DLGAP1: variants seen among roughly 807,000 people sequenced by gnomAD.
DLGAP1 encodes the protein disks large-associated protein 1.
A neutral mutation model predicts 90.8 loss-of-function variants in DLGAP1; 11 were observed. The ratio of observed to expected loss-of-function variants is 0.12; its 90% CI spans 0.08 to 0.20. DLGAP1 has a LOEUF of 0.20. DLGAP1 is among the 10% of genes least tolerant of loss of function. DLGAP1 has a pLI of 1.00. For missense variants in DLGAP1, 1,050 were observed against 1,333.8 expected (o/e 0.79, Z 3.31); for synonymous variants, 558 against 540.7 (o/e 1.03, Z -0.44).
chr18:4,117,977 C>T (rs755486271), intron 2 of DLGAP1, among the ~76,000 whole-genome samples: 1 of 151,794 alleles, frequency 6.6e-6, no homozygotes, highest in Non-Finnish European at 1.5e-5. Flanking sequence ...TTGCTAGGTA[C>T]AGCCTTGCAC....
chr18:3,876,097 G>A (rs895081265), intron 4 of DLGAP1, among the ~76,000 whole-genome samples: 1 of 151,432 alleles, frequency 6.6e-6, no homozygotes. Context: ...TTCTAAGAAT[G>A]AGCCTATAGA....
chr18:4,212,574 AGG>A (rs2077866865), intron 1 of DLGAP1, among the ~76,000 whole-genome samples: 3 of 146,632 alleles, frequency 2.0e-5, no homozygotes, highest in African/African-American at 5.0e-5. Context: ...TGGGAGGCTG[AGG>A]CAGGAGACTG....
intron 2 of DLGAP1, among the ~76,000 whole-genome samples, chr18:4,009,705 C>T (rs2149092461): frequency 6.6e-6 from 1 of 152,260 alleles, no homozygotes. Flanking sequence ...GGAAGTTATG[C>T]CATGAATGGG....
chr18:4,282,363 C>CA (rs10710132), intron 1 of DLGAP1, among the ~76,000 whole-genome samples: 1,287 of 98,932 alleles, frequency 0.013, 9 homozygotes, highest in Non-Finnish European at 0.02. Context: ...GACTCTGTCT[C>CA]AAAAAAAAAA....
Position 3,615,124 on chromosome 18 carries a change from T to G in DLGAP1, c.1592-32876A>C, listed in dbSNP as rs184246696. ...TTTAGTAGAGATGGGTTTTCACCAT[T>G]TTGGTCAGGCTGGTCTCAAACTCCT... On this transcript the variant is annotated intron_variant, in intron 7 of 12. Transcript: ENST00000315677. Among the ~76,000 whole-genome samples the G allele has an allele frequency of 4.3e-3, 657 of 151,974 alleles. 6 individuals carry two copies. Among genetic ancestry groups the G allele is most frequent in the African/African-American group, 0.015 (615 of 41,468 alleles).
In DLGAP1 at chr18:4,257,964, G is replaced by A. The variant is rs562833579; in HGVS notation, c.-266-106677C>T. Among the ~76,000 whole-genome samples the A allele has an allele frequency of 2.2e-5, 3 of 138,388 alleles. No individual in the cohort carries two copies. The South Asian group carries it at 7.3e-4, about 34-fold the overall frequency. 90.8% of individuals were successfully genotyped at this position (138,388 alleles called of 152,430 possible). A position where few individuals can be genotyped will look rare whatever the true frequency, so the allele number is the denominator to read the frequency against. ...GCAATCGTTATGGATTACAACAAGA[G>A]TTATACATATGTGTGTGTGTGTGTG... On this transcript the variant is annotated intron_variant, in intron 1 of 12. Transcript: ENST00000315677.
intron 7 of DLGAP1, among the ~76,000 whole-genome samples, chr18:3,602,320 G>T (rs1341074120): frequency 6.6e-6 from 1 of 152,104 alleles, no homozygotes; most frequent in Non-Finnish European, 1.5e-5. Context: ...TTTTGGCCGG[G>T]CGCGGTGGCT....
intron 5 of DLGAP1, among the ~76,000 whole-genome samples, chr18:3,761,578 C>T (rs868374351): frequency 5.2e-5 from 7 of 135,380 alleles, no homozygotes; most frequent in African/African-American, 1.4e-4. Context: ...TTCTTTCTTT[C>T]TTTTTTTTTT....
chr18:4,226,117 T>C (rs1452891509), intron 1 of DLGAP1, among the ~76,000 whole-genome samples: 2 of 152,162 alleles, frequency 1.3e-5, no homozygotes, highest in Admixed American at 6.6e-5. Flanking sequence ...GGAAACCTTA[T>C]AGGCCAGGAG....
At chr18:3,792,964 G>A (rs959106277) in intron 5 of DLGAP1, among the ~76,000 whole-genome samples, 2 of 152,098 alleles carry the variant, frequency 1.3e-5, no homozygotes, top group African/African-American at 4.8e-5. Flanking sequence ...TCAGGGACGG[G>A]TTTGCCCAAC....
chr18:3,592,248 T>C (rs1009004227), intron 7 of DLGAP1, among the ~76,000 whole-genome samples: 1 of 152,212 alleles, frequency 6.6e-6, no homozygotes, highest in African/African-American at 2.4e-5. Context: ...AAATAACTAA[T>C]AGACAAGTTT....
chr18:4,142,532 A>G (rs1436191228), intron 2 of DLGAP1, among the ~76,000 whole-genome samples: 2 of 152,252 alleles, frequency 1.3e-5, no homozygotes, highest in African/African-American at 2.4e-5. Context: ...AGATTTTAGT[A>G]TCTTACAGAT....
chr18:4,382,017 C>T (rs145899399), intron 1 of DLGAP1, among the ~76,000 whole-genome samples: 2,377 of 152,174 alleles, frequency 0.016, 80 homozygotes, highest in African/African-American at 0.054. Context: ...ACTTATTCAC[C>T]ACCAAAAGAA....
At chr18:4,146,421 T>C (rs973850912) in intron 2 of DLGAP1, among the ~76,000 whole-genome samples, 3 of 152,192 alleles carry the variant, frequency 2.0e-5, no homozygotes, top group African/African-American at 7.2e-5. Flanking sequence ...GTGCCCTTAG[T>C]GGACTGATTG....
At chr18:3,687,850 T>A (rs1379344236) in intron 7 of DLGAP1, among the ~76,000 whole-genome samples, 1 of 151,594 alleles carries the variant, frequency 6.6e-6, no homozygotes, top group Non-Finnish European at 1.5e-5. Flanking sequence ...AAAGAGAAAT[T>A]CTGACCAAAC....
intron 1 of DLGAP1, among the ~76,000 whole-genome samples, chr18:4,157,096 G>A (rs553475840): frequency 6.6e-6 from 1 of 151,922 alleles, no homozygotes; most frequent in African/African-American, 2.4e-5. Context: ...AAACTAGACG[G>A]GGACATGTCT....
chr18:3,690,760 G>GT (rs2060865677), intron 7 of DLGAP1, among the ~76,000 whole-genome samples: 1 of 152,252 alleles, frequency 6.6e-6, no homozygotes, highest in East Asian at 1.9e-4. Flanking sequence ...ATATACTGTA[G>GT]TTTTTTCCTC....
chr18:4,390,967 T>C (rs1172301590), intron 1 of DLGAP1, among the ~76,000 whole-genome samples: 3 of 152,190 alleles, frequency 2.0e-5, no homozygotes. Context: ...AGAAGCTTGG[T>C]ACGGTCAGTA....
chr18:3,958,973 C>A (rs1174860229), intron 3 of DLGAP1, among the ~76,000 whole-genome samples: 3 of 152,070 alleles, frequency 2.0e-5, no homozygotes, highest in African/African-American at 7.2e-5. Context: ...AGCATGAAAC[C>A]AAAAAAGCAA....
Sources: allele counts gnomAD v4.1 joint callset (sites outside exome capture counted in the v4.1 genomes callset), GRCh38; gene constraint gnomAD v4.1.1; transcripts MANE v1.5; gene names NCBI Gene and HGNC (gene_info 2026-07-23, HGNC 2026-07-21).